Variants in SNTG1 observed in about 807,000 individuals in gnomAD.
The protein encoded by SNTG1 is syntrophin gamma 1, also known as gamma-1-syntrophin.
In SNTG1, 39 loss-of-function variants were observed where a neutral mutation model predicts 74.7. The ratio of observed to expected loss-of-function variants is 0.52; its 90% CI spans 0.40 to 0.68. The LOEUF is 0.68. Among genes scored for constraint, SNTG1 ranks in the 30% least tolerant of loss-of-function variants. The pLI is 0.00. For missense variants in SNTG1, 685 were observed against 609.5 expected (o/e 1.12, Z -1.30); for synonymous variants, 254 against 217.1 (o/e 1.17, Z -1.49).
chr8:50,154,258 C>T (rs556665531), intron 1 of SNTG1, among the ~76,000 whole-genome samples: 127 of 152,220 alleles, frequency 8.3e-4, no homozygotes, highest in Non-Finnish European at 1.4e-3. Context: ...CCTGGTGTGC[C>T]GTTTGCTAAG....
intron 1 of SNTG1, among the ~76,000 whole-genome samples, chr8:50,149,051 C>T (rs2081971958): frequency 6.6e-6 from 1 of 152,194 alleles, no homozygotes; most frequent in African/African-American, 2.4e-5. Flanking sequence ...CACATCCTCT[C>T]CAGCACCTGT....
At chr8:50,035,975 A>G (rs543624910) in intron 1 of SNTG1, among the ~76,000 whole-genome samples, 2 of 152,290 alleles carry the variant, frequency 1.3e-5, no homozygotes, top group South Asian at 4.1e-4. Context: ...GAAAAAAAGC[A>G]AGGGAAAATA....
chr8:50,710,422 T>G (rs2095458361), intron 17 of SNTG1, among the ~76,000 whole-genome samples: 1 of 152,126 alleles, frequency 6.6e-6, no homozygotes, highest in Admixed American at 6.5e-5. Context: ...AATTATCGAT[T>G]AAATGAGTAA....
intron 1 of SNTG1, among the ~76,000 whole-genome samples, chr8:50,013,624 A>T (rs144667925): frequency 6.6e-6 from 1 of 152,050 alleles, no homozygotes. Context: ...TTAAACTAAC[A>T]CATAATAATT....
At chr8:50,025,955 C>G (rs1817230221) in intron 1 of SNTG1, among the ~76,000 whole-genome samples, 1 of 152,116 alleles carries the variant, frequency 6.6e-6, no homozygotes. Flanking sequence ...GCAATCCTCC[C>G]TGGAGCTCTG....
At chr8:50,015,010 C>T (rs544097874) in intron 1 of SNTG1, among the ~76,000 whole-genome samples, 131 of 146,830 alleles carry the variant, frequency 8.9e-4, no homozygotes, top group Non-Finnish European at 1.5e-3. Flanking sequence ...ATACCACATG[C>T]ACAGAAAAAA....
rs185707302 is a variant in SNTG1 at position 50,705,215 on chromosome 8, C to G, written c.1191+463C>G. On this transcript the variant is annotated intron_variant, in intron 16 of 18. Coordinates refer to ENST00000642720, the MANE Select transcript of SNTG1 (RefSeq NM_018967.5). ...AAGGTCATATCATCCAGGAACATGT[C>G]CCTGATTTCCAGTCCACCCTGCCTA... 4.1e-4 allele frequency among the ~76,000 whole-genome samples: 62 copies of G among 152,268 alleles called. 1 individual carries two copies. Among genetic ancestry groups the G allele is most frequent in the Non-Finnish European group, 7.4e-4 (50 of 68,022 alleles).
chr8:50,129,284 A>C (rs1361441835), intron 1 of SNTG1, among the ~76,000 whole-genome samples: 1 of 152,098 alleles, frequency 6.6e-6, no homozygotes, highest in African/African-American at 2.4e-5. Flanking sequence ...TATGGCATAG[A>C]AGAGAAAAGA....
At chr8:50,603,261 C>T (rs1435428701) in intron 13 of SNTG1, among the ~76,000 whole-genome samples, 17 of 152,144 alleles carry the variant, frequency 1.1e-4, no homozygotes, top group Admixed American at 1.1e-3. Context: ...GTCACTAATT[C>T]TCTTTTCTGC....
At chr8:50,692,425 T>G (rs781018097) in intron 15 of SNTG1, among the ~76,000 whole-genome samples, 3 of 152,150 alleles carry the variant, frequency 2.0e-5, no homozygotes, top group Non-Finnish European at 4.4e-5. Flanking sequence ...CAGATGGGTT[T>G]TTGGTGTGGA....
chr8:50,397,482 G>A (rs1277835502), intron 3 of SNTG1, among the ~76,000 whole-genome samples: 1 of 152,136 alleles, frequency 6.6e-6, no homozygotes, highest in Non-Finnish European at 1.5e-5. Flanking sequence ...AGCACTTCAG[G>A]AAGGAGTGGA....
intron 2 of SNTG1, among the ~76,000 whole-genome samples, chr8:50,291,988 GGTGTGT>G (rs148005020): frequency 2.0e-5 from 3 of 150,082 alleles, no homozygotes; most frequent in Admixed American, 6.7e-5. Context: ...AATGAGGAAA[GGTGTGT>G]GTGTGTGTGT....
chr8:50,511,414 G>A (rs1356339293), intron 9 of SNTG1, among the ~76,000 whole-genome samples: 1 of 152,208 alleles, frequency 6.6e-6, no homozygotes, highest in Admixed American at 6.5e-5. Flanking sequence ...GGAGAGTTCT[G>A]TAGATGTCTA....
chr8:50,390,754 G>C (rs969642234), intron 2 of SNTG1, among the ~76,000 whole-genome samples: 5 of 152,094 alleles, frequency 3.3e-5, no homozygotes, highest in African/African-American at 9.7e-5. Flanking sequence ...ATTGAGCAGT[G>C]GTTTGTAGTT....
At chr8:50,180,461 G>A (rs980371718) in intron 2 of SNTG1, among the ~76,000 whole-genome samples, 6 of 152,010 alleles carry the variant, frequency 3.9e-5, no homozygotes, top group African/African-American at 1.2e-4. Context: ...GTAATAAAAC[G>A]TCTTGAAACT....
intron 15 of SNTG1, among the ~76,000 whole-genome samples, chr8:50,663,323 T>G (rs1316487067): frequency 1.3e-5 from 2 of 152,108 alleles, no homozygotes; most frequent in African/African-American, 4.8e-5. Context: ...GGACAGCCAC[T>G]AAAGCATGTC....
Position 50,231,060 on chromosome 8 carries a change from A to G in SNTG1, c.-28+58425A>G, listed in dbSNP as rs1048038271. Among the ~76,000 whole-genome samples the G allele has an allele frequency of 2.6e-5, 4 of 151,384 alleles. 1 individual carries two copies. Among genetic ancestry groups the G allele is most frequent in the African/African-American group, 7.2e-5 (3 of 41,486 alleles). ...CTAACTCTAAAGAAATAAAACAAAT[A>G]ATCTGATTAAGAAATGGGCAAGGAA... On this transcript the variant is annotated intron_variant, in intron 2 of 18. Transcript: ENST00000642720.
chr8:50,276,551 A>G (rs2088125598), intron 2 of SNTG1, among the ~76,000 whole-genome samples: 2 of 151,992 alleles, frequency 1.3e-5, no homozygotes, highest in Non-Finnish European at 2.9e-5. Context: ...TTTGTAAATT[A>G]AAAGCACCAG....
intron 1 of SNTG1, among the ~76,000 whole-genome samples, chr8:49,996,716 A>G (rs1218879845): frequency 6.6e-6 from 1 of 152,128 alleles, no homozygotes; most frequent in African/African-American, 2.4e-5. Context: ...TTGTCCCATC[A>G]AAAGGGTTAT....
Sources: allele counts gnomAD v4.1 joint callset (sites outside exome capture counted in the v4.1 genomes callset), GRCh38; gene constraint gnomAD v4.1.1; transcripts MANE v1.5; gene names NCBI Gene and HGNC (gene_info 2026-07-23, HGNC 2026-07-21).